The following SAP130 variants were observed in gnomAD, a reference collection of about 807,000 sequenced individuals.
SAP130 encodes the protein histone deacetylase complex subunit SAP130.
In SAP130, 16 loss-of-function variants were observed where a neutral mutation model predicts 103.2. That is an observed-to-expected ratio of 0.16 (90% CI 0.10 to 0.24). SAP130 has a LOEUF of 0.24. Among genes scored for constraint, SAP130 ranks in the 10% least tolerant of loss-of-function variants. The pLI is 1.00. For synonymous variants in SAP130, 477 were observed against 497.0 expected (o/e 0.96, Z 0.53); for missense variants, 990 against 1,359.7 (o/e 0.73, Z 4.28).
chr2:128,005,990 T>C (rs1311314727), intron 7 of SAP130, among the ~76,000 whole-genome samples: 1 of 151,690 alleles, frequency 6.6e-6, no homozygotes, highest in Non-Finnish European at 1.5e-5. Flanking sequence ...AAACCATAAA[T>C]AATGGTCATT....
chr2:128,027,042 G>C, intron 1 of SAP130: 1 of 1,374,912 alleles, frequency 7.3e-7, no homozygotes, highest in Middle Eastern at 2.0e-4. Flanking sequence ...TGGGGGTGCG[G>C]ACGGGCGATC....
In SAP130 at chr2:127,986,911, G is replaced by A; in HGVS notation, c.1832C>T (p.Pro611Leu). ...ATIVANPISN[P>L]FSAAPAATTV... ...TGTTGCTGCTGGAGCAGCACTGAAT[G>A]GATTGCTAATAGGGTTGGCCACAAT... Residue 611 changes from proline (P) to leucine (L), a missense_variant, in exon 14 of 21, where the codon CCA (proline) becomes CTA (leucine). Physicochemically the swap from Pro to Leu is moderately conservative, Grantham distance 98. This residue lies in a region of SAP130 where 349 missense variants were observed against 384.1 expected (regional missense o/e 0.91). Transcript: ENST00000643581. This position sits in a 1 kb window ranked among gnomAD's most constrained non-coding sequence, Gnocchi z 4.7. 6.2e-7 allele frequency: 1 copy of A among 1,614,106 alleles called. No individual in the cohort carries two copies.
chr2:128,010,564 A>C (rs992753522), intron 6 of SAP130, among the ~76,000 whole-genome samples, 171 bp from the exon 7 acceptor site: 1 of 152,220 alleles, frequency 6.6e-6, no homozygotes, highest in Non-Finnish European at 1.5e-5. Context: ...GGTTGTTATA[A>C]GACCAAGAGC....
At chr2:127,995,705 A>G (rs1244224636) in intron 11 of SAP130, among the ~76,000 whole-genome samples, 3 of 152,220 alleles carry the variant, frequency 2.0e-5, no homozygotes, top group Non-Finnish European at 4.4e-5. Flanking sequence ...ATACTCAGAT[A>G]TTTCCATACA....
chr2:127,971,886 G>C (rs1681118604), intron 15 of SAP130, among the ~76,000 whole-genome samples: 1 of 152,110 alleles, frequency 6.6e-6, no homozygotes. Context: ...AATATACTTT[G>C]TTGTTCTTTT....
Position 128,026,146 on chromosome 2 carries a change from T to C in SAP130, c.112+35A>G, listed in dbSNP as rs371909975. Reference sequence around the variant, plus strand: ...TAGAAAACTGGTAATATTCTTAAAGTAGGAAAAAATATATTAGAATATTAC... The same window carrying C: ...TAGAAAACTGGTAATATTCTTAAAGCAGGAAAAAATATATTAGAATATTAC... On this transcript the variant is annotated intron_variant, in intron 2 of 20. Transcript: ENST00000643581. 8.0e-6 allele frequency: 11 copies of C among 1,378,918 alleles called. No homozygotes were observed. In the African/African-American group the frequency reaches 1.6e-4, roughly 20 times the overall value. The allele number at this position is 1,378,918 out of a possible 1,614,324, so 85.4% of individuals were successfully genotyped here.
At chr2:128,010,151 C>T in intron 7 of SAP130, 118 bp downstream of exon 7, 1 of 1,103,316 alleles carries the variant, frequency 9.1e-7, no homozygotes, top group South Asian at 1.8e-5. Flanking sequence ...CACTACATAG[C>T]TCATTATAAA....
At chr2:127,999,671 C>G in intron 10 of SAP130, 70 bp downstream of exon 10, 1 of 727,628 alleles carries the variant, frequency 1.4e-6, no homozygotes, top group Non-Finnish European at 2.2e-6. Flanking sequence ...TAGCCATCAC[C>G]ATGAAGGCCT....
chr2:127,946,242 CTCCCCA>C lies in SAP130; in HGVS notation c.2798-689_2798-684del, dbSNP rs1312860997. On this transcript the variant is annotated intron_variant, in intron 18 of 20. Coordinates refer to ENST00000643581, the MANE Select transcript of SAP130 (RefSeq NM_001330301.2). The stretch of plus-strand genomic sequence containing the variant: ...GTGAAGAAGTTCAAACCTAAAGGTG[CTCCCCA>C]TAACAGTGGAGGCTGTGGCAAAGGG... Among the ~76,000 whole-genome samples, 7 of 152,258 alleles carry C rather than the reference CTCCCCA, an allele frequency of 4.6e-5. No homozygotes were observed. The East Asian group carries it at 1.4e-3, about 29-fold the overall frequency.
intron 5 of SAP130, among the ~76,000 whole-genome samples, chr2:128,014,003 T>C (rs930542499): frequency 1.3e-5 from 2 of 152,216 alleles, no homozygotes; most frequent in East Asian, 1.9e-4. Flanking sequence ...TTGTGACTTA[T>C]GTATTAAAAA....
At chr2:127,947,495 T>C (rs1417843871) in intron 18 of SAP130, among the ~76,000 whole-genome samples, 1 of 152,240 alleles carries the variant, frequency 6.6e-6, no homozygotes, top group African/African-American at 2.4e-5. Flanking sequence ...TCATTTTCTA[T>C]ATTTGTACAC....
Position 128,000,095 on chromosome 2 carries a change from T to C in SAP130, c.1069A>G (p.Ile357Val). 6.2e-7 allele frequency: 1 copy of C among 1,614,192 alleles called. No individual in the cohort carries two copies. The highest frequency in any genetic ancestry group is 8.5e-7 in the Non-Finnish European group (1 of 1,180,030). The change falls in exon 9 of 21, where the codon ATT becomes GTT. Residue 357 changes from isoleucine to valine, a missense_variant. Physicochemically the swap from Ile to Val is conservative, Grantham distance 29. Coordinates refer to ENST00000643581, the MANE Select transcript of SAP130 (RefSeq NM_001330301.2). The part of the protein sequence containing the change: ...TPVAAATVAP[I>V]LATNTIPSAT... ...GAAGGAATGGTGTTGGTTGCCAAAA[T>C]AGGTGCTACTGTGGCTGCAGCCACT...
chr2:127,990,361 GAA>G (rs981494436), intron 12 of SAP130, among the ~76,000 whole-genome samples: 3 of 131,082 alleles, frequency 2.3e-5, no homozygotes. Context: ...TGTGTATATT[GAA>G]AAAAAAAAAA....
chr2:128,022,036 C>T (rs1016912424), intron 2 of SAP130, among the ~76,000 whole-genome samples: 2 of 152,136 alleles, frequency 1.3e-5, no homozygotes, highest in Non-Finnish European at 2.9e-5. Context: ...AAGTATACAG[C>T]GGTATAACAC....
intron 7 of SAP130, among the ~76,000 whole-genome samples, chr2:128,009,241 G>T (rs2105154467): frequency 6.6e-6 from 1 of 152,130 alleles, no homozygotes; most frequent in Non-Finnish European, 1.5e-5. Context: ...TTAGGGCGAT[G>T]CGAGGATCAC....
chr2:128,014,130 C>T lies in SAP130; in HGVS notation c.619+673G>A, dbSNP rs191190276. 3.1e-4 allele frequency among the ~76,000 whole-genome samples: 47 copies of T among 152,258 alleles called. 1 individual carries two copies. In the South Asian group the frequency reaches 6.4e-3, roughly 21 times the overall value. On this transcript the variant is annotated intron_variant, in intron 5 of 20. Coordinates refer to ENST00000643581, the MANE Select transcript of SAP130 (RefSeq NM_001330301.2). ...TAGACCATATTAAACACTTTAATTG[C>T]ATAAATATACACACTTGTAATACAA... is the stretch of plus-strand genomic sequence containing the variant.
Position 127,989,923 on chromosome 2 carries a change from C to T in SAP130, c.1478-57G>A. On this transcript the variant is annotated intron_variant, in intron 12 of 20. Coordinates refer to ENST00000643581, the MANE Select transcript of SAP130 (RefSeq NM_001330301.2). The surrounding 1 kb of genome is among the most constrained non-coding windows in gnomAD (Gnocchi z 4.6). ...GGTTAGCTTCATTTCACACAGTCCACATAAAGAGAGAAACACTAAAAACGG... is the reference window on the plus strand; with the variant it reads ...GGTTAGCTTCATTTCACACAGTCCATATAAAGAGAGAAACACTAAAAACGG... 6.7e-7 allele frequency: 1 copy of T among 1,500,956 alleles called. No homozygotes were observed. The highest frequency in any genetic ancestry group is 2.0e-5 in the Admixed American group (1 of 50,424). 93.0% of individuals were successfully genotyped at this position (1,500,956 alleles called of 1,614,324 possible).
intron 15 of SAP130, among the ~76,000 whole-genome samples, chr2:127,970,489 C>T (rs577884781): frequency 3.6e-5 from 5 of 137,442 alleles, no homozygotes; most frequent in South Asian, 2.3e-4. Flanking sequence ...TGCAGTGAGC[C>T]GAGATCGTAC....
chr2:127,994,910 T>C (rs760770329), intron 11 of SAP130, among the ~76,000 whole-genome samples: 2 of 152,230 alleles, frequency 1.3e-5, no homozygotes, highest in African/African-American at 2.4e-5. Flanking sequence ...AGAGAATCTA[T>C]AAACATTTAG....
Sources: allele counts gnomAD v4.1 joint callset (sites outside exome capture counted in the v4.1 genomes callset), GRCh38; gene constraint gnomAD v4.1.1; regional missense constraint gnomAD v4.1.1; non-coding constraint Gnocchi (gnomAD v3.1); transcripts MANE v1.5; gene names NCBI Gene and HGNC (gene_info 2026-07-23, HGNC 2026-07-21).